SPG11: variants seen among roughly 807,000 people sequenced by gnomAD.
The protein encoded by SPG11 is spatacsin.
SPG11 carries 222 observed loss-of-function variants against 274.0 expected under a neutral mutation model. The ratio of observed to expected loss-of-function variants is 0.81; its 90% CI spans 0.73 to 0.91. The LOEUF is 0.91. Ranked by LOEUF, SPG11 falls within the 40% of genes least tolerant of loss-of-function variation. SPG11 has a pLI of 0.00. For missense variants in SPG11, 3,114 were observed against 2,872.7 expected, an observed-to-expected ratio of 1.08 and a Z score of -1.92; for synonymous variants, 1,144 against 1,039.7, an observed-to-expected ratio of 1.10 and a Z score of -1.93.
intron 33 of SPG11, among the ~76,000 whole-genome samples, chr15:44,571,816 G>A (rs2082431813): frequency 6.6e-6 from 1 of 152,004 alleles, no homozygotes; most frequent in Non-Finnish European, 1.5e-5. Flanking sequence ...TTTTAGAGAT[G>A]GATCTTACTC....
At chr15:44,659,342 A>G (rs199700877) in intron 2 of SPG11, 39 bp from the exon 3 acceptor site, 67 of 1,525,028 alleles carry the variant, frequency 4.4e-5, no homozygotes, top group Non-Finnish European at 5.6e-5. Context: ...CTCATTGGTC[A>G]CAATTTTACA....
chr15:44,622,480 A>T lies in SPG11; in HGVS notation c.2317-133T>A, dbSNP rs568937777. On this transcript the variant is annotated intron_variant, in intron 12 of 39. Coordinates refer to ENST00000261866, the MANE Select transcript of SPG11 (RefSeq NM_025137.4). The stretch of plus-strand genomic sequence containing the variant: ...AAAAAAAGTCATGAGATAATATGCC[A>T]TTCAAGAATTATATTTTGAACATTT... 1.7e-5 allele frequency: 14 copies of T among 815,598 alleles called. No individual in the cohort carries two copies. The South Asian group carries it at 2.5e-4, about 15-fold the overall frequency. The allele number at this position is 815,598 out of a possible 1,614,324, so 50.5% of individuals were successfully genotyped here. A position where few individuals can be genotyped will look rare whatever the true frequency, so the allele number is the denominator to read the frequency against.
intron 24 of SPG11, 146 bp downstream of exon 24, chr15:44,596,638 T>C: frequency 2.9e-6 from 2 of 680,568 alleles, no homozygotes; most frequent in Non-Finnish European, 2.2e-6. Context: ...CAAAAGCCCA[T>C]GTATCCAGTA....
intron 30 of SPG11, chr15:44,575,407 G>T: frequency 4.9e-6 from 1 of 204,024 alleles, no homozygotes; most frequent in Non-Finnish European, 1.0e-5. Flanking sequence ...TGTGGCCTTA[G>T]TTCCAGCCTT....
intron 3 of SPG11, among the ~76,000 whole-genome samples, chr15:44,657,709 A>G (rs1421794758): frequency 6.6e-6 from 1 of 152,230 alleles, no homozygotes; most frequent in East Asian, 1.9e-4. Flanking sequence ...TTTTACTTAG[A>G]GCACATCTTA....
intron 4 of SPG11, among the ~76,000 whole-genome samples, chr15:44,655,474 G>A (rs781776754): frequency 3.3e-5 from 5 of 152,072 alleles, no homozygotes; most frequent in African/African-American, 9.7e-5. Flanking sequence ...ATGCTGCTGC[G>A]GTTGCTTGCC....
In SPG11 at chr15:44,650,558, G is replaced by A. The variant is rs138052487; in HGVS notation, c.1456+933C>T. Among the ~76,000 whole-genome samples the A allele has an allele frequency of 2.2e-3, 328 of 151,346 alleles. 15 individuals carry two copies. The East Asian group carries it at 0.053, about 25-fold the overall frequency. On this transcript the variant is annotated intron_variant, in intron 6 of 39. Transcript: ENST00000261866. ...GGTCCCAGCTACTCTGGAGGGAGGT[G>A]GAGGTTGTGGTGAGCCAAGATCGCA...
chr15:44,575,168 G>GGACCACTGCTGACAGGGCCC, intron 30 of SPG11, 127 bp from the exon 31 acceptor site: 1 of 1,181,796 alleles, frequency 8.5e-7, no homozygotes. Flanking sequence ...ACTGGGGATA[G>GGACCACTGCTGACAGGGCCC]GACCACTGCT....
intron 1 of SPG11, 59 bp downstream of exon 1, chr15:44,663,330 TCA>T: frequency 6.4e-7 from 1 of 1,567,214 alleles, no homozygotes; most frequent in South Asian, 1.2e-5. Context: ...CCCTTGGGGC[TCA>T]GTCAGCCGAG....
At chr15:44,655,698 C>G (rs1437811308) in intron 4 of SPG11, among the ~76,000 whole-genome samples, 1 of 152,094 alleles carries the variant, frequency 6.6e-6, no homozygotes, top group South Asian at 2.1e-4. Flanking sequence ...CAACTGTAGG[C>G]TATTAGTAGT....
intron 7 of SPG11, among the ~76,000 whole-genome samples, chr15:44,644,618 G>A (rs1377476536): frequency 2.0e-5 from 3 of 152,130 alleles, no homozygotes; most frequent in Non-Finnish European, 4.4e-5. Context: ...CAAATAGGAA[G>A]AGAGGAAGTA....
intron 11 of SPG11, among the ~76,000 whole-genome samples, chr15:44,623,231 G>A (rs957504956): frequency 2.0e-5 from 3 of 152,118 alleles, no homozygotes; most frequent in East Asian, 1.9e-4. Flanking sequence ...TTACAGGCAT[G>A]AGCCACCCTG....
intron 30 of SPG11, among the ~76,000 whole-genome samples, chr15:44,580,456 C>A (rs973447531): frequency 9.2e-5 from 14 of 152,140 alleles, no homozygotes; most frequent in Non-Finnish European, 1.6e-4. Context: ...ATTATCCAAT[C>A]TGAACAACAG....
At position 44,629,293 on chromosome 15, in the gene SPG11, G is replaced by A. The variant is rs747979962; in HGVS notation, c.1831C>T (p.Leu611Phe). 3 of 1,613,926 alleles carry A rather than the reference G, an allele frequency of 1.9e-6. No individual in the cohort carries two copies. The highest frequency in any genetic ancestry group is 3.3e-4 in the Middle Eastern group (2 of 6,084). Residue 611 changes from leucine to phenylalanine, a missense_variant, in exon 9 of 40, where the codon CTT becomes TTT. Physicochemically the swap from Leu to Phe is conservative, Grantham distance 22. Coordinates refer to ENST00000261866, the MANE Select transcript of SPG11 (RefSeq NM_025137.4). ...TTAAGGAAAGACAGTGTAAGATTAAGCAATTGTTCTGAAAAGTGTTTGCTT... is the reference window on the plus strand; with the variant it reads ...TTAAGGAAAGACAGTGTAAGATTAAACAATTGTTCTGAAAAGTGTTTGCTT... The part of the protein sequence containing the change: ...PQSKHFSEQL[L>F]NLTLSFLNNQ...
At chr15:44,585,898 C>G in intron 28 of SPG11, 48 bp from the exon 29 acceptor site, 1 of 1,501,698 alleles carries the variant, frequency 6.7e-7, no homozygotes, top group South Asian at 1.1e-5. Flanking sequence ...TAAAATGCCA[C>G]TACAGCATTT....
rs1388337783 is a variant in SPG11 at position 44,600,490 on chromosome 15, G to C, written c.3663C>G (p.Ile1221Met). 2 of 1,614,044 alleles carry C rather than the reference G, an allele frequency of 1.2e-6. No individual in the cohort carries two copies. The highest frequency in any genetic ancestry group is 1.7e-6 in the Non-Finnish European group (2 of 1,179,998). Residue 1221 changes from isoleucine to methionine, a missense_variant, in exon 21 of 40, where the codon ATC becomes ATG. Transcript: ENST00000261866. ...AFGTFLVQEL[I>M]KSKTPKQLIQ... Reference sequence around the variant, plus strand: ...ACAGCTGCTTGGGAGTCTTGCTCTTGATTAATTCCTGGACCAGAAAAGTAC... The same window carrying C: ...ACAGCTGCTTGGGAGTCTTGCTCTTCATTAATTCCTGGACCAGAAAAGTAC...
At chr15:44,647,753 C>T (rs1479963547) in intron 7 of SPG11, among the ~76,000 whole-genome samples, 4 of 152,042 alleles carry the variant, frequency 2.6e-5, no homozygotes, top group Non-Finnish European at 5.9e-5. Flanking sequence ...GACTTGGAGA[C>T]AACAGGAAAT....
chr15:44,572,464 G>T, intron 33 of SPG11: 1 of 566,514 alleles, frequency 1.8e-6, no homozygotes, highest in Admixed American at 3.0e-5. Flanking sequence ...TTGAGTAAAG[G>T]TTACCTTTTT....
Position 44,573,735 on chromosome 15 carries a change from C to A in SPG11, c.6017G>T (p.Cys2006Phe), listed in dbSNP as rs1179229360. The change falls in exon 32 of 40, where the codon TGT becomes TTT. Residue 2006 changes from cysteine (C) to phenylalanine (F), a missense_variant. Physicochemically the swap from Cys to Phe is radical, Grantham distance 205 (BLOSUM62 -2). Transcript: ENST00000261866. ...CTGAGCAGCAACATCTGTGTAGGAA[C>A]AGCCCAACTCCTGAGAGGAAGACAA... is the stretch of plus-strand genomic sequence containing the variant. The part of the protein sequence containing the change: ...CLYDLAKELG[C>F]SYTDVAAQDG... 6.2e-7 allele frequency: 1 copy of A among 1,614,212 alleles called. No homozygotes were observed.
Sources: gnomAD v4.1 joint callset for allele counts (sites outside exome capture counted in the v4.1 genomes callset) on GRCh38, gnomAD v4.1.1 for gene constraint, MANE v1.5 for transcripts, NCBI Gene and HGNC (gene_info 2026-07-23, HGNC 2026-07-21) for gene names.